DOP1B: variants seen among roughly 807,000 people sequenced by gnomAD.
DOP1B encodes DOP1 leucine zipper like protein B.
Under a neutral mutation model 233.5 loss-of-function variants are expected in DOP1B, and 174 were observed. The ratio of observed to expected loss-of-function variants is 0.75; its 90% confidence interval spans 0.66 to 0.85. The LOEUF is 0.85. Among genes scored for constraint, DOP1B ranks in the 40% least tolerant of loss-of-function variants. The probability of loss-of-function intolerance (pLI) is 0.00; values close to 1 mark genes in which losing one functional copy is unlikely to be tolerated. For missense variants in DOP1B, 2,652 were observed against 2,846.6 expected (o/e 0.93, Z 1.56); for synonymous variants, 1,190 against 1,185.6 (o/e 1.00, Z -0.08).
At chr21:36,211,041 A>G (rs577434014) in intron 5 of DOP1B, among the ~76,000 whole-genome samples, 1 of 152,178 alleles carries the variant, frequency 6.6e-6, no homozygotes, top group African/African-American at 2.4e-5. Context: ...GTCTCAGTGT[A>G]GCTCCTTCCT....
intron 32 of DOP1B, among the ~76,000 whole-genome samples, chr21:36,287,149 G>A (rs1366380428): frequency 1.3e-5 from 2 of 152,152 alleles, no homozygotes; most frequent in African/African-American, 4.8e-5. Context: ...AAGCAGGGGA[G>A]AGTGTTAGGG....
chr21:36,216,510 C>CT (rs1467860348), intron 9 of DOP1B, among the ~76,000 whole-genome samples: 1 of 152,010 alleles, frequency 6.6e-6, no homozygotes, highest in African/African-American at 2.4e-5. Flanking sequence ...ACTTGGGAGT[C>CT]TGAGTCAGGA....
chr21:36,257,784 G>C (rs904698402), intron 23 of DOP1B, among the ~76,000 whole-genome samples: 1 of 97,284 alleles, frequency 1.0e-5, no homozygotes, highest in East Asian at 3.2e-4. Context: ...ATGTAGGTAG[G>C]TAGGTAGGTA....
intron 26 of DOP1B, among the ~76,000 whole-genome samples, chr21:36,265,749 A>G (rs1011290824): frequency 2.0e-5 from 3 of 151,946 alleles, no homozygotes; most frequent in Admixed American, 6.6e-5. Context: ...ATTCCTTCCT[A>G]CTGTTTTGAG....
At chr21:36,240,834 C>CT (rs1297037268) in intron 18 of DOP1B, among the ~76,000 whole-genome samples, 2 of 152,122 alleles carry the variant, frequency 1.3e-5, no homozygotes, top group Non-Finnish European at 2.9e-5. Flanking sequence ...GGTTTGCAAA[C>CT]TTTGAGTGAG....
At chr21:36,225,803 G>A in intron 12 of DOP1B, 136 bp downstream of exon 12, 1 of 915,148 alleles carries the variant, frequency 1.1e-6, no homozygotes, top group Non-Finnish European at 1.7e-6. Flanking sequence ...TGTTTGTTTT[G>A]GCATAAAAGA....
At chr21:36,200,896 G>T (rs936993059) in intron 4 of DOP1B, among the ~76,000 whole-genome samples, 5 of 152,014 alleles carry the variant, frequency 3.3e-5, no homozygotes, top group African/African-American at 1.2e-4. Context: ...GCAGCAGTAG[G>T]TGTGGAGGTC....
At chr21:36,199,394 G>A (rs2835316) in intron 3 of DOP1B, 143 bp downstream of exon 3, 334,420 of 1,025,850 alleles carry the variant, frequency 0.33, 56,265 homozygotes, top group African/African-American at 0.47. Context: ...ACCAGGAGAC[G>A]TCACTGGGCG....
At position 36,253,781 on chromosome 21, in the gene DOP1B, A is replaced by G. The variant is rs201458940; in HGVS notation, c.5131A>G (p.Thr1711Ala). The G allele has an allele frequency of 4.3e-6, 7 of 1,611,234 alleles. No homozygotes were observed. Among genetic ancestry groups the G allele is most frequent in the African/African-American group, 1.3e-5 (1 of 74,878 alleles). Reference protein sequence around the residue: ...QRHSKMKIIPTASASQLTLVD... With the variant: ...QRHSKMKIIPAASASQLTLVD... ...TTTTTTTTCTTGGCAGATTATCCCA[A>G]CGGCAAGTGCATCCCAGCTAACCCT... Residue 1711 changes from threonine to alanine, a missense_variant, in exon 23 of 37, where the codon ACG becomes GCG. Coordinates refer to ENST00000691173, the MANE Select transcript of DOP1B (RefSeq NM_001320714.2).
At chr21:36,241,293 CAA>C (rs796961195) in intron 18 of DOP1B, among the ~76,000 whole-genome samples, 1 of 143,782 alleles carries the variant, frequency 7.0e-6, no homozygotes. Context: ...GACTCCATCT[CAA>C]AAAAAAAAGA....
chr21:36,184,612 G>T (rs1319135399), intron 2 of DOP1B, among the ~76,000 whole-genome samples: 1 of 152,242 alleles, frequency 6.6e-6, no homozygotes, highest in Non-Finnish European at 1.5e-5. Context: ...CTAGGAGGAA[G>T]ACCGCAGACT....
At chr21:36,270,366 AACAT>A (rs1394625385) in intron 27 of DOP1B, among the ~76,000 whole-genome samples, 7 of 150,444 alleles carry the variant, frequency 4.7e-5, no homozygotes, top group African/African-American at 1.8e-4. Flanking sequence ...TAGCCTGGCC[AACAT>A]GGCGAAACCC....
intron 12 of DOP1B, among the ~76,000 whole-genome samples, 194 bp downstream of exon 12, chr21:36,225,861 G>A (rs1167544140): frequency 1.3e-5 from 2 of 152,152 alleles, no homozygotes; most frequent in African/African-American, 4.8e-5. Flanking sequence ...ATTTAAAAGG[G>A]GCTATAACTT....
chr21:36,270,373 C>G (rs991349079), intron 27 of DOP1B, among the ~76,000 whole-genome samples: 1 of 149,418 alleles, frequency 6.7e-6, no homozygotes, highest in East Asian at 2.0e-4. Flanking sequence ...GCCAACATGG[C>G]GAAACCCCGT....
chr21:36,187,594 G>A (rs2066179022), intron 2 of DOP1B, among the ~76,000 whole-genome samples: 1 of 151,130 alleles, frequency 6.6e-6, no homozygotes, highest in African/African-American at 2.4e-5. Context: ...ACTGTGCCCA[G>A]CCTATTTATT....
Position 36,261,290 on chromosome 21 carries a change from A to G in DOP1B, c.5315+558A>G, listed in dbSNP as rs984580495. The G allele has an allele frequency of 2.4e-5, 23 of 963,772 alleles. No individual in the cohort carries two copies. In the African/African-American group the frequency reaches 4.0e-4, roughly 17 times the overall value. The allele number at this position is 963,772 out of a possible 1,614,324, so 59.7% of individuals were successfully genotyped here. Reference sequence around the variant, plus strand: ...TGAGGCAGGAGAATTGCATGAACCCAGGAGGCGGAGGTTGCAGCGAGCCAA... The same window carrying G: ...TGAGGCAGGAGAATTGCATGAACCCGGGAGGCGGAGGTTGCAGCGAGCCAA... On this transcript the variant is annotated intron_variant, in intron 24 of 36. Transcript: ENST00000691173.
chr21:36,260,791 C>T (rs1473385885), intron 24 of DOP1B, 59 bp downstream of exon 24: 4 of 1,596,058 alleles, frequency 2.5e-6, no homozygotes, highest in Non-Finnish European at 3.4e-6. Flanking sequence ...TTGCAGTGAG[C>T]ATGCATAATA....
At position 36,288,166 on chromosome 21, in the gene DOP1B, G is replaced by T. The variant is rs1410344882; in HGVS notation, c.6297+16G>T. ...CTCTGAATTGGTGAGTACAAGTATT[G>T]TAAGTTTGAAAGCAAGGTTGGAGCT... On this transcript the variant is annotated intron_variant, in intron 33 of 36. Coordinates refer to ENST00000691173, the MANE Select transcript of DOP1B (RefSeq NM_001320714.2). 2.5e-6 allele frequency: 4 copies of T among 1,597,636 alleles called. No homozygotes were observed. The East Asian group carries it at 6.7e-5, about 27-fold the overall frequency.
At position 36,173,625 on chromosome 21, in the gene DOP1B, G is replaced by A. The variant is rs562726820; in HGVS notation, c.138+8754G>A. Among the ~76,000 whole-genome samples the A allele has an allele frequency of 5.9e-4, 90 of 151,946 alleles. 1 individual carries two copies. The highest frequency in any genetic ancestry group is 2.1e-3 in the African/African-American group (87 of 41,456). ...TTTTTAGTAGAGACGGGGTTTCACCGTGTTAGCCAGGATAGTCTCGATCTC... is the reference window on the plus strand; with the variant it reads ...TTTTTAGTAGAGACGGGGTTTCACCATGTTAGCCAGGATAGTCTCGATCTC... On this transcript the variant is annotated intron_variant, in intron 2 of 36. Coordinates refer to ENST00000691173, the MANE Select transcript of DOP1B (RefSeq NM_001320714.2).
Sources: gnomAD v4.1 joint callset for allele counts (sites outside exome capture counted in the v4.1 genomes callset) on GRCh38, gnomAD v4.1.1 for gene constraint, MANE v1.5 for transcripts, NCBI Gene and HGNC (gene_info 2026-07-23, HGNC 2026-07-21) for gene names.